Variants in TMEM108 observed in about 807,000 individuals in gnomAD.
TMEM108 encodes transmembrane protein 108, also known as cancer/testis antigen 124.
TMEM108 carries 12 observed loss-of-function variants against 35.1 expected under a neutral mutation model. That is an observed-to-expected ratio of 0.34 (90% CI 0.22 to 0.55). TMEM108 has a LOEUF of 0.55. Among genes scored for constraint, TMEM108 ranks in the 20% least tolerant of loss-of-function variants. The pLI is 0.89. For missense variants in TMEM108, 680 were observed against 753.3 expected (o/e 0.90, Z 1.14); for synonymous variants, 287 against 308.6 (o/e 0.93, Z 0.73).
At chr3:133,057,473 A>ATC (rs1324535425) in intron 2 of TMEM108, among the ~76,000 whole-genome samples, 6 of 40,752 alleles carry the variant, frequency 1.5e-4, no homozygotes, top group Admixed American at 3.5e-4. Flanking sequence ...ATATATATAT[A>ATC]TATATATATA....
intron 2 of TMEM108, among the ~76,000 whole-genome samples, chr3:133,128,496 A>T (rs1194629352): frequency 6.6e-6 from 1 of 152,192 alleles, no homozygotes. Context: ...GGCTTCGTGG[A>T]AAGAGGATCT....
chr3:133,112,701 A>G (rs374722943), intron 2 of TMEM108, among the ~76,000 whole-genome samples: 7 of 152,306 alleles, frequency 4.6e-5, no homozygotes, highest in African/African-American at 1.7e-4. Context: ...GGGAAGCAGA[A>G]TGGGTTCTAT....
chr3:133,122,444 C>T (rs1018363688), intron 2 of TMEM108, among the ~76,000 whole-genome samples: 3 of 152,130 alleles, frequency 2.0e-5, no homozygotes, highest in Non-Finnish European at 4.4e-5. Context: ...GTTAGTTACG[C>T]AGGGATACCT....
At chr3:133,326,407 GTTAGTCCTTTGGAATTATAACAACCT>G (rs1194775634) in intron 3 of TMEM108, among the ~76,000 whole-genome samples, 2 of 152,190 alleles carry the variant, frequency 1.3e-5, no homozygotes, top group Non-Finnish European at 2.9e-5. Flanking sequence ...AATGAAATAA[GTTAGTCCTTTGGAATTATAACAACCT>G]TCACCGGGAG....
intron 2 of TMEM108, among the ~76,000 whole-genome samples, chr3:133,121,881 G>T (rs1036749760): frequency 6.6e-6 from 1 of 152,038 alleles, no homozygotes; most frequent in South Asian, 2.1e-4. Context: ...TTTTTTTAAC[G>T]GAGTGTTCCT....
chr3:133,256,034 A>G (rs1362236262), intron 3 of TMEM108, among the ~76,000 whole-genome samples: 1 of 152,144 alleles, frequency 6.6e-6, no homozygotes, highest in Non-Finnish European at 1.5e-5. Flanking sequence ...AACTGCATGC[A>G]TGCCTGGTTA....
In TMEM108 at chr3:133,380,803, C is replaced by T. The variant is rs770585361; in HGVS notation, c.1092C>T (p.Phe364=). ...CCACGGGGCCCACCCCAGCTGCCTTCGATACCAGTGTCTCAGCCCCTTCCC... is the reference window on the plus strand; with the variant it reads ...CCACGGGGCCCACCCCAGCTGCCTTTGATACCAGTGTCTCAGCCCCTTCCC... The part of the protein sequence containing the change: ...TAATGPTPAA[F]DTSVSAPSQG... The change falls in exon 4 of 6, where the codon TTC becomes TTT. Residue 364 remains phenylalanine (F), a synonymous_variant. Transcript: ENST00000321871. The surrounding 1 kb of genome is among the most constrained non-coding windows in gnomAD (Gnocchi z 5.3). The T allele has an allele frequency of 1.8e-5, 29 of 1,614,036 alleles. No individual in the cohort carries two copies. The highest frequency in any genetic ancestry group is 3.3e-4 in the Middle Eastern group (2 of 6,084).
intron 2 of TMEM108, among the ~76,000 whole-genome samples, chr3:133,061,618 A>T (rs951545565): frequency 6.6e-6 from 1 of 152,232 alleles, no homozygotes; most frequent in African/African-American, 2.4e-5. Flanking sequence ...TTAAATGGGT[A>T]CAGAGGATTG....
chr3:133,321,458 G>A (rs2071266915), intron 3 of TMEM108, among the ~76,000 whole-genome samples: 2 of 152,034 alleles, frequency 1.3e-5, no homozygotes, highest in South Asian at 4.2e-4. Context: ...CAATCCAACT[G>A]GAAAATATCA....
intron 3 of TMEM108, among the ~76,000 whole-genome samples, chr3:133,292,650 G>A (rs1947088515): frequency 6.6e-6 from 1 of 152,198 alleles, no homozygotes; most frequent in African/African-American, 2.4e-5. Context: ...TGGGGACCCT[G>A]GAGACAGTTT....
chr3:133,075,667 T>C (rs1044177096), intron 2 of TMEM108, among the ~76,000 whole-genome samples: 1 of 152,182 alleles, frequency 6.6e-6, no homozygotes, highest in Non-Finnish European at 1.5e-5. Context: ...TTTATCTTTT[T>C]GATAATATCC....
intron 2 of TMEM108, among the ~76,000 whole-genome samples, chr3:133,174,743 A>G (rs184965485): frequency 6.6e-6 from 1 of 152,332 alleles, no homozygotes; most frequent in East Asian, 1.9e-4. Flanking sequence ...AGAGCAGAAA[A>G]ACTGGAAACT....
At chr3:133,127,103 T>G (rs1258955476) in intron 2 of TMEM108, among the ~76,000 whole-genome samples, 2 of 152,170 alleles carry the variant, frequency 1.3e-5, no homozygotes, top group East Asian at 3.9e-4. Context: ...ATTGGGACAC[T>G]GAAGTTTCAT....
At position 133,380,967 on chromosome 3, in the gene TMEM108, C is replaced by T. The variant is rs1435304046; in HGVS notation, c.1256C>T (p.Ser419Phe). 1 of 1,614,232 alleles carries T rather than the reference C, an allele frequency of 6.2e-7. No homozygotes were observed. Among genetic ancestry groups the T allele is most frequent in the Non-Finnish European group, 8.5e-7 (1 of 1,180,038 alleles). Residue 419 changes from serine (S) to phenylalanine (F), a missense_variant, in exon 4 of 6, where the codon TCC (serine) becomes TTC (phenylalanine). Transcript: ENST00000321871. This position sits in a 1 kb window ranked among gnomAD's most constrained non-coding sequence, Gnocchi z 5.3. ...ACCGACCGGGTGCCCAGTCCTCTCT[C>T]CACAGTGGTATCCACAGCCACAGGC... The part of the protein sequence containing the change: ...TMTDRVPSPL[S>F]TVVSTATGNF...
At chr3:133,351,289 T>G (rs1470734716) in intron 3 of TMEM108, among the ~76,000 whole-genome samples, 1 of 152,194 alleles carries the variant, frequency 6.6e-6, no homozygotes, top group Non-Finnish European at 1.5e-5. Context: ...GGGAAGGTGC[T>G]GATCTTCAAT....
chr3:133,079,368 G>T (rs1296542465), intron 2 of TMEM108, among the ~76,000 whole-genome samples: 2 of 152,150 alleles, frequency 1.3e-5, no homozygotes, highest in African/African-American at 4.8e-5. Context: ...GTCCGTTTGG[G>T]TTGCTATACC....
intron 2 of TMEM108, among the ~76,000 whole-genome samples, chr3:133,052,241 C>T (rs998123608): frequency 1.3e-5 from 2 of 151,994 alleles, no homozygotes; most frequent in African/African-American, 2.4e-5. Flanking sequence ...TTTGGAGATA[C>T]TAATATAAAT....
chr3:133,281,354 G>T (rs1946909632), intron 3 of TMEM108, among the ~76,000 whole-genome samples: 2 of 152,164 alleles, frequency 1.3e-5, no homozygotes, highest in South Asian at 4.1e-4. Context: ...AAAAAATAGG[G>T]TGTGCACACA....
chr3:133,169,462 G>A (rs917756602), intron 2 of TMEM108, among the ~76,000 whole-genome samples: 2 of 152,144 alleles, frequency 1.3e-5, no homozygotes, highest in Non-Finnish European at 2.9e-5. Flanking sequence ...CTAGTGTCTG[G>A]ACTATGCGGT....
Sources: gnomAD v4.1 joint callset for allele counts (sites outside exome capture counted in the v4.1 genomes callset) on GRCh38, gnomAD v4.1.1 for gene constraint, Gnocchi (gnomAD v3.1) non-coding constraint, MANE v1.5 for transcripts, NCBI Gene and HGNC (gene_info 2026-07-23, HGNC 2026-07-21) for gene names.